Variants in STN1 observed in about 807,000 individuals in gnomAD.
STN1 encodes the protein STN1 subunit of CST complex, also known as CST complex subunit STN1.
STN1 carries 29 observed loss-of-function variants against 45.5 expected under a neutral mutation model. That is an observed-to-expected ratio of 0.64 (90% confidence interval 0.47 to 0.87). The LOEUF is 0.87. STN1 is among the 40% of genes least tolerant of loss of function. The pLI is 0.00. For missense variants in STN1, 376 were observed against 441.4 expected, an observed-to-expected ratio of 0.85 and a Z score of 1.33; for synonymous variants, 148 against 159.0, an observed-to-expected ratio of 0.93 and a Z score of 0.52.
chr10:103,889,739 A>T (rs1843127373), intron 8 of STN1, among the ~76,000 whole-genome samples: 1 of 127,330 alleles, frequency 7.9e-6, no homozygotes, highest in Non-Finnish European at 1.6e-5. Context: ...TCTCACTCTT[A>T]TCGCCCAGGC....
rs938354247 is a variant in STN1 at position 103,898,783 on chromosome 10, G to A, written c.581+94C>T. 7 of 1,467,528 alleles carry A rather than the reference G, an allele frequency of 4.8e-6. No homozygotes were observed. The South Asian group carries it at 6.0e-5, about 13-fold the overall frequency. 90.9% of individuals were successfully genotyped at this position (1,467,528 alleles called of 1,614,324 possible). A position where few individuals can be genotyped will look rare whatever the true frequency, so the allele number is the denominator to read the frequency against. On this transcript the variant is annotated intron_variant, in intron 6 of 9. Coordinates refer to ENST00000224950, the MANE Select transcript of STN1 (RefSeq NM_024928.5). ...CCCACAGTGCATAGGTGGATGATTC[G>A]GGATTTGAACCTAGGCCGATCCCAG...
intron 4 of STN1, among the ~76,000 whole-genome samples, chr10:103,902,381 G>T (rs1843215285): frequency 1.3e-5 from 2 of 152,150 alleles, no homozygotes; most frequent in African/African-American, 4.8e-5. Context: ...GATAATAAAT[G>T]CTTCACATAG....
intron 7 of STN1, among the ~76,000 whole-genome samples, chr10:103,892,477 A>AT (rs879764110): frequency 1.2e-3 from 172 of 144,110 alleles, no homozygotes; most frequent in Admixed American, 2.8e-3. Flanking sequence ...CTTAGTTGTG[A>AT]TTTTTTTTTT....
At position 103,894,578 on chromosome 10, in the gene STN1, A is replaced by G. The variant is rs1388405588; in HGVS notation, c.754-2326T>C. Among the ~76,000 whole-genome samples the G allele has an allele frequency of 2.0e-5, 3 of 151,948 alleles. No individual in the cohort carries two copies. In the East Asian group the frequency reaches 5.8e-4, roughly 29 times the overall value. The stretch of plus-strand genomic sequence containing the variant: ...CATAGTCTCAAGGGTAAAGCCACTA[A>G]TCGTCTCTTCCAGCCAGCAGCTTTT... On this transcript the variant is annotated intron_variant, in intron 7 of 9. Coordinates refer to ENST00000224950, the MANE Select transcript of STN1 (RefSeq NM_024928.5).
intron 2 of STN1, among the ~76,000 whole-genome samples, chr10:103,914,375 T>TATA (rs1191667182): frequency 4.9e-5 from 1 of 20,458 alleles, no homozygotes; most frequent in Admixed American, 6.0e-4. Context: ...TATATATATA[T>TATA]TTTTTTTTTT....
rs552020616 is a variant in STN1 at position 103,897,727 on chromosome 10, G to T, written c.582-8C>A. The T allele has an allele frequency of 6.2e-7, 1 of 1,613,386 alleles. No individual in the cohort carries two copies. The highest frequency in any genetic ancestry group is 8.5e-7 in the Non-Finnish European group (1 of 1,179,690). Reference sequence around the variant, plus strand: ...TCCAGGGCGCCTGGATTGCTGCGGAGGGAAAGTTTTAAAGAGCTCTGCAGA... The same window carrying T: ...TCCAGGGCGCCTGGATTGCTGCGGATGGAAAGTTTTAAAGAGCTCTGCAGA... On this transcript the variant is annotated splice_polypyrimidine_tract_variant and splice_region_variant and intron_variant, in intron 6 of 9. Coordinates refer to ENST00000224950, the MANE Select transcript of STN1 (RefSeq NM_024928.5).
chr10:103,880,392 G>A lies in STN1; in HGVS notation c.*2292C>T, dbSNP rs183921992. 1.3e-5 allele frequency among the ~76,000 whole-genome samples: 2 copies of A among 152,348 alleles called. No individual in the cohort carries two copies. The highest frequency in any genetic ancestry group is 2.1e-4 in the South Asian group (1 of 4,830). Reference sequence around the variant, plus strand: ...ACAGGAACAGAAGTTCCCACTCTGCGTGGTGGGTTTCATCCAGGACCAGCA... The same window carrying A: ...ACAGGAACAGAAGTTCCCACTCTGCATGGTGGGTTTCATCCAGGACCAGCA... On this transcript the variant is annotated 3_prime_UTR_variant, in exon 10 of 10. Transcript: ENST00000224950.
chr10:103,916,990 C>T (rs945457383), intron 2 of STN1, among the ~76,000 whole-genome samples: 7 of 151,910 alleles, frequency 4.6e-5, no homozygotes, highest in Admixed American at 4.6e-4. Context: ...AAAACAAACC[C>T]CCTTTACATA....
rs191746638 is a variant in STN1 at position 103,914,599 on chromosome 10, C to T, written c.133+2863G>A. Reference sequence around the variant, plus strand: ...GAACTCTGGGCTCAAGTGATCCTCCCGCCTTGGCCTCCCAAAGTGCTGGGA... The same window carrying T: ...GAACTCTGGGCTCAAGTGATCCTCCTGCCTTGGCCTCCCAAAGTGCTGGGA... On this transcript the variant is annotated intron_variant, in intron 2 of 9. Coordinates refer to ENST00000224950, the MANE Select transcript of STN1 (RefSeq NM_024928.5). Among the ~76,000 whole-genome samples, 981 of 151,280 alleles carry T rather than the reference C, an allele frequency of 6.5e-3. 11 individuals carry two copies. The highest frequency in any genetic ancestry group is 0.023 in the African/African-American group (940 of 41,170).
intron 4 of STN1, among the ~76,000 whole-genome samples, chr10:103,904,749 A>C (rs1843229900): frequency 6.6e-6 from 1 of 152,206 alleles, no homozygotes; most frequent in Non-Finnish European, 1.5e-5. Flanking sequence ...GGCTGGGACA[A>C]GGGGATTCAG....
At position 103,911,690 on chromosome 10, in the gene STN1, A is replaced by G. The variant is rs1337911594; in HGVS notation, c.134-1068T>C. Among the ~76,000 whole-genome samples, 8 of 152,242 alleles carry G rather than the reference A, an allele frequency of 5.3e-5. No homozygotes were observed. The East Asian group carries it at 1.5e-3, about 29-fold the overall frequency. On this transcript the variant is annotated intron_variant, in intron 2 of 9. Transcript: ENST00000224950. ...CAGTCAAGTCCTTTTTAAAATAAAT[A>G]TACGAATTCTAAATTAAGAAACAAT...
At chr10:103,914,519 T>A (rs1254378136) in intron 2 of STN1, among the ~76,000 whole-genome samples, 2 of 151,066 alleles carry the variant, frequency 1.3e-5, no homozygotes, top group African/African-American at 2.4e-5. Context: ...GGACCATAGG[T>A]ACTGCTTTTT....
intron 2 of STN1, among the ~76,000 whole-genome samples, chr10:103,914,362 A>ATT (rs1564636144): frequency 1.6e-4 from 2 of 12,448 alleles, no homozygotes; most frequent in African/African-American, 4.5e-4. Context: ...ATATATATAT[A>ATT]TATATATATA....
chr10:103,889,154 A>T lies in STN1; in HGVS notation c.877-10T>A, dbSNP rs201526941. ...TGTCTTCTCTGGTTACCTAAATAGG[A>T]AAAATAGTTGAGAGAGAGAGTGTTC... On this transcript the variant is annotated splice_polypyrimidine_tract_variant and intron_variant, in intron 8 of 9. Coordinates refer to ENST00000224950, the MANE Select transcript of STN1 (RefSeq NM_024928.5). 6.3e-7 allele frequency: 1 copy of T among 1,594,298 alleles called. No homozygotes were observed.
intron 2 of STN1, among the ~76,000 whole-genome samples, chr10:103,914,753 T>C (rs998623553): frequency 1.3e-5 from 2 of 152,200 alleles, no homozygotes; most frequent in Non-Finnish European, 2.9e-5. Context: ...AGTATTTTTC[T>C]TAGTTCAACT....
chr10:103,916,395 T>A (rs1213298824), intron 2 of STN1, among the ~76,000 whole-genome samples: 1 of 152,180 alleles, frequency 6.6e-6, no homozygotes, highest in Non-Finnish European at 1.5e-5. Context: ...GTGGAGGAGG[T>A]TGGCTGCCTT....
intron 4 of STN1, among the ~76,000 whole-genome samples, chr10:103,900,944 T>C (rs2475215): frequency 0.85 from 128,807 of 152,190 alleles, 55,431 homozygotes; most frequent in East Asian, 1. Flanking sequence ...TTACAATGTA[T>C]TAGCACATTT....
rs1843065908 is a variant in STN1, at chr10:103,881,087, C to T, written c.*1597G>A. On this transcript the variant is annotated 3_prime_UTR_variant, in exon 10 of 10. Transcript: ENST00000224950. ...GGCAACACTGTCTGTCTGCTTTCAT[C>T]ATTTTTTTCATAGCTGCATAGTATT... 6.6e-6 allele frequency among the ~76,000 whole-genome samples: 1 copy of T among 152,118 alleles called. No homozygotes were observed. The highest frequency in any genetic ancestry group is 1.5e-5 in the Non-Finnish European group (1 of 68,014).
intron 7 of STN1, among the ~76,000 whole-genome samples, chr10:103,893,295 A>G (rs182728239): frequency 1.2e-3 from 176 of 151,960 alleles, no homozygotes; most frequent in African/African-American, 4.1e-3. Context: ...CAGCCTCCCG[A>G]GTAGCTGGGA....
Sources: gnomAD v4.1 joint callset for allele counts (sites outside exome capture counted in the v4.1 genomes callset) on GRCh38, gnomAD v4.1.1 for gene constraint, MANE v1.5 for transcripts, NCBI Gene and HGNC (gene_info 2026-07-23, HGNC 2026-07-21) for gene names.